The following IMMP2L variants were observed in gnomAD, a reference collection of about 807,000 sequenced individuals.
IMMP2L encodes inner mitochondrial membrane peptidase subunit 2.
A neutral mutation model predicts 19.3 loss-of-function variants in IMMP2L; 18 were observed. That is an observed-to-expected ratio of 0.93 (90% confidence interval 0.64 to 1.38). The LOEUF (loss-of-function observed/expected upper bound fraction) is 1.38. IMMP2L is among the 40% of genes most tolerant of loss of function. The probability of loss-of-function intolerance (pLI) is 0.00; values close to 1 mark genes in which losing one functional copy is unlikely to be tolerated. For synonymous variants in IMMP2L, 76 were observed against 73.0 expected, an observed-to-expected ratio of 1.04 and a Z score of -0.21; for missense variants, 233 against 218.2, an observed-to-expected ratio of 1.07 and a Z score of -0.43.
At chr7:111,561,501 G>A (rs957397020) in intron 1 of IMMP2L, among the ~76,000 whole-genome samples, 4 of 152,102 alleles carry the variant, frequency 2.6e-5, no homozygotes, top group African/African-American at 9.7e-5. Flanking sequence ...TATGGTCTCA[G>A]GGATTAGTCA....
At chr7:110,910,230 T>A (rs1396119986) in intron 4 of IMMP2L, among the ~76,000 whole-genome samples, 1 of 152,066 alleles carries the variant, frequency 6.6e-6, no homozygotes, top group Non-Finnish European at 1.5e-5. Flanking sequence ...AGAGCAGTGA[T>A]AAAAGTAAAA....
chr7:110,804,924 C>T (rs1801520802), intron 5 of IMMP2L, among the ~76,000 whole-genome samples: 1 of 152,064 alleles, frequency 6.6e-6, no homozygotes, highest in Admixed American at 6.6e-5. Flanking sequence ...ATTTTTGTTT[C>T]AGCGCTTTAC....
intron 3 of IMMP2L, among the ~76,000 whole-genome samples, chr7:110,998,396 T>G (rs754551862): frequency 5.9e-5 from 9 of 152,204 alleles, no homozygotes; most frequent in Non-Finnish European, 1.2e-4. Context: ...AGGTTGGGGT[T>G]GTTACTAGAA....
intron 3 of IMMP2L, among the ~76,000 whole-genome samples, chr7:111,404,814 T>G (rs1833778792): frequency 6.6e-6 from 1 of 152,102 alleles, no homozygotes; most frequent in Admixed American, 6.6e-5. Context: ...TACAGTAATG[T>G]GAGTTCTTGG....
intron 3 of IMMP2L, among the ~76,000 whole-genome samples, chr7:111,478,111 A>G (rs1052561824): frequency 1.3e-5 from 2 of 152,030 alleles, no homozygotes; most frequent in African/African-American, 4.8e-5. Context: ...CTCCAATTAG[A>G]TGGTAGTCAG....
chr7:111,180,657 T>A (rs989384113), intron 3 of IMMP2L, among the ~76,000 whole-genome samples: 35 of 152,072 alleles, frequency 2.3e-4, no homozygotes, highest in African/African-American at 8.5e-4. Context: ...GCTACAAACC[T>A]AATGCATAAT....
chr7:111,347,991 A>C (rs1051250129), intron 3 of IMMP2L, among the ~76,000 whole-genome samples: 2 of 151,918 alleles, frequency 1.3e-5, no homozygotes, highest in Non-Finnish European at 2.9e-5. Context: ...CTTTGTAGGG[A>C]CATGGATGCA....
chr7:111,473,451 GT>G (rs1841447972), intron 3 of IMMP2L, among the ~76,000 whole-genome samples: 3 of 152,256 alleles, frequency 2.0e-5, no homozygotes, highest in African/African-American at 7.2e-5. Flanking sequence ...AAGTTTTCAA[GT>G]TTTCCTTGGT....
chr7:111,351,965 A>G (rs1828205603), intron 3 of IMMP2L, among the ~76,000 whole-genome samples: 1 of 152,190 alleles, frequency 6.6e-6, no homozygotes, highest in Non-Finnish European at 1.5e-5. Context: ...ATGTTCATCT[A>G]CTTAAACATC....
At chr7:111,098,687 C>T (rs772619684) in intron 3 of IMMP2L, among the ~76,000 whole-genome samples, 7 of 151,616 alleles carry the variant, frequency 4.6e-5, no homozygotes, top group African/African-American at 2.4e-5. Flanking sequence ...TCATAACGAC[C>T]GTACTAAGTA....
At chr7:110,719,914 A>C (rs1356944628) in intron 5 of IMMP2L, among the ~76,000 whole-genome samples, 1 of 152,170 alleles carries the variant, frequency 6.6e-6, no homozygotes, top group African/African-American at 2.4e-5. Flanking sequence ...ATATCAAGTA[A>C]ATCAAATTGG....
intron 3 of IMMP2L, among the ~76,000 whole-genome samples, chr7:111,362,239 T>C (rs895814929): frequency 1.7e-4 from 26 of 152,050 alleles, no homozygotes; most frequent in African/African-American, 6.3e-4. Context: ...AATGTAATCG[T>C]TTTTATTTCT....
intron 3 of IMMP2L, among the ~76,000 whole-genome samples, chr7:110,971,916 A>G (rs936176809): frequency 3.3e-5 from 5 of 152,066 alleles, no homozygotes; most frequent in Non-Finnish European, 2.9e-5. Context: ...GGGAGAGGTG[A>G]GATGCCACAT....
chr7:110,727,864 T>G lies in IMMP2L; in HGVS notation c.409-64143A>C, dbSNP rs1224463994. ...GGATTTAAACAGATATGAGGTAAATTTTTACAAATAATTACATCTAACAAG... is the reference window on the plus strand; with the variant it reads ...GGATTTAAACAGATATGAGGTAAATGTTTACAAATAATTACATCTAACAAG... On this transcript the variant is annotated intron_variant, in intron 5 of 5. Transcript: ENST00000405709. The surrounding 1 kb of genome is among the most constrained non-coding windows in gnomAD (Gnocchi z 4.3). Among the ~76,000 whole-genome samples, 8 of 152,146 alleles carry G rather than the reference T, an allele frequency of 5.3e-5. No homozygotes were observed.
intron 4 of IMMP2L, among the ~76,000 whole-genome samples, chr7:110,935,039 A>G (rs959860036): frequency 6.6e-6 from 1 of 152,192 alleles, no homozygotes; most frequent in African/African-American, 2.4e-5. Flanking sequence ...TCCTGTCATT[A>G]TGATAATAGC....
intron 3 of IMMP2L, among the ~76,000 whole-genome samples, chr7:111,201,664 T>C (rs1372214478): frequency 6.7e-6 from 1 of 149,662 alleles, no homozygotes; most frequent in Admixed American, 6.7e-5. Context: ...TGCAGTGAGC[T>C]GAGATTGCGC....
At chr7:111,262,266 G>T (rs1817388660) in intron 3 of IMMP2L, among the ~76,000 whole-genome samples, 1 of 152,064 alleles carries the variant, frequency 6.6e-6, no homozygotes. Context: ...GAAAAATGCT[G>T]GAAAGAGGAA....
At chr7:111,380,782 T>A (rs1402447492) in intron 3 of IMMP2L, among the ~76,000 whole-genome samples, 1 of 152,012 alleles carries the variant, frequency 6.6e-6, no homozygotes, top group African/African-American at 2.4e-5. Flanking sequence ...GTCTCTGATA[T>A]ACTCTGATAT....
intron 4 of IMMP2L, among the ~76,000 whole-genome samples, chr7:110,906,982 G>A (rs1286188273): frequency 1.3e-5 from 2 of 152,032 alleles, no homozygotes; most frequent in African/African-American, 4.8e-5. Context: ...ACAGGAGCTG[G>A]GGTGAGTACT....
Sources: allele counts gnomAD v4.1 joint callset (sites outside exome capture counted in the v4.1 genomes callset), GRCh38; gene constraint gnomAD v4.1.1; non-coding constraint Gnocchi (gnomAD v3.1); transcripts MANE v1.5; gene names NCBI Gene and HGNC (gene_info 2026-07-23, HGNC 2026-07-21).